Variants in GRIK2 observed in about 807,000 individuals in gnomAD.
The protein encoded by GRIK2 is glutamate ionotropic receptor kainate type subunit 2, also known as glutamate receptor ionotropic, kainate 2.
In GRIK2, 32 loss-of-function variants were observed where a neutral mutation model predicts 100.3. The ratio of observed to expected loss-of-function variants is 0.32; its 90% CI spans 0.24 to 0.43. The LOEUF (loss-of-function observed/expected upper bound fraction) is 0.43. Among genes scored for constraint, GRIK2 ranks in the 20% least tolerant of loss-of-function variants. The pLI is 1.00. For synonymous variants in GRIK2, 417 were observed against 389.4 expected (o/e 1.07, Z -0.83); for missense variants, 843 against 1,114.9 (o/e 0.76, Z 3.47).
chr6:101,496,844 G>T (rs1275771086), intron 2 of GRIK2, among the ~76,000 whole-genome samples: 1 of 152,128 alleles, frequency 6.6e-6, no homozygotes, highest in Non-Finnish European at 1.5e-5. Context: ...AAAACCTAAG[G>T]ATTTAAAGGC....
intron 3 of GRIK2, among the ~76,000 whole-genome samples, chr6:101,623,582 T>C (rs1051220232): frequency 6.6e-6 from 1 of 152,116 alleles, no homozygotes; most frequent in East Asian, 1.9e-4. Context: ...TTCTTAATGG[T>C]GATTTCAAAT....
chr6:101,562,420 C>T (rs578121592), intron 2 of GRIK2, among the ~76,000 whole-genome samples: 33 of 152,230 alleles, frequency 2.2e-4, no homozygotes, highest in South Asian at 1.7e-3. Flanking sequence ...CTCACTGCAA[C>T]CTCTGCCTCC....
At chr6:101,859,843 C>T (rs1582398927) in intron 11 of GRIK2, among the ~76,000 whole-genome samples, 1 of 152,072 alleles carries the variant, frequency 6.6e-6, no homozygotes, top group Non-Finnish European at 1.5e-5. Context: ...GAGTTATATA[C>T]ATTTTTAAAC....
chr6:101,684,810 T>G (rs968023617), intron 6 of GRIK2, among the ~76,000 whole-genome samples: 2 of 150,580 alleles, frequency 1.3e-5, no homozygotes, highest in Non-Finnish European at 2.9e-5. Context: ...CTAATGGCAA[T>G]AAATCCAGAA....
intron 2 of GRIK2, among the ~76,000 whole-genome samples, chr6:101,493,712 T>C (rs1773261874): frequency 6.6e-6 from 1 of 151,620 alleles, no homozygotes; most frequent in Non-Finnish European, 1.5e-5. Flanking sequence ...TCAGGTAGCT[T>C]CAGCAGTTTG....
Position 102,030,846 on chromosome 6 carries a change from T to C in GRIK2, c.2086-4495T>C, listed in dbSNP as rs1422737428. Among the ~76,000 whole-genome samples, 8 of 151,086 alleles carry C rather than the reference T, an allele frequency of 5.3e-5. 1 individual carries two copies. In the South Asian group the frequency reaches 1.5e-3, roughly 27 times the overall value. On this transcript the variant is annotated intron_variant, in intron 14 of 16. Coordinates refer to ENST00000369134, the MANE Select transcript of GRIK2 (RefSeq NM_021956.5). ...GCATTCAAAATCTACATTTTTAGCT[T>C]TGATATCCCCTCTGAACTCCAGACT...
At chr6:101,682,528 T>A (rs906907341) in intron 5 of GRIK2, 25 bp from the exon 6 acceptor site, 2 of 1,017,574 alleles carry the variant, frequency 2.0e-6, no homozygotes, top group Non-Finnish European at 3.1e-6. Context: ...AATATGTACC[T>A]TCAGTAATTT....
At chr6:102,006,390 ATTTT>A (rs34620995) in intron 14 of GRIK2, among the ~76,000 whole-genome samples, 2 of 114,096 alleles carry the variant, frequency 1.8e-5, no homozygotes, top group African/African-American at 4.6e-5. Context: ...ATATATATAT[ATTTT>A]TTTTTTTTTT....
At chr6:101,831,325 G>A (rs2764218) in intron 10 of GRIK2, among the ~76,000 whole-genome samples, 44,839 of 151,818 alleles carry the variant, frequency 0.3, 9,369 homozygotes, top group East Asian at 0.67. Context: ...CTCCAGTGTT[G>A]CCTTTTCTTG....
At chr6:101,622,342 AT>A (rs1357546283) in intron 3 of GRIK2, among the ~76,000 whole-genome samples, 1 of 152,084 alleles carries the variant, frequency 6.6e-6, no homozygotes, top group East Asian at 1.9e-4. Context: ...TGTTAGTGAA[AT>A]TTTTTTTCTA....
At chr6:102,044,243 C>T (rs1295577463) in intron 15 of GRIK2, among the ~76,000 whole-genome samples, 2 of 151,982 alleles carry the variant, frequency 1.3e-5, no homozygotes, top group African/African-American at 4.8e-5. Flanking sequence ...AATCTTTTCA[C>T]ATTGTGTATC....
intron 15 of GRIK2, among the ~76,000 whole-genome samples, chr6:102,052,538 T>C (rs1716292531): frequency 6.6e-6 from 1 of 152,188 alleles, no homozygotes; most frequent in South Asian, 2.1e-4. Flanking sequence ...GTTGCTTTTG[T>C]TTATTTGTGT....
At chr6:101,789,208 T>G (rs999567471) in intron 7 of GRIK2, among the ~76,000 whole-genome samples, 6 of 152,338 alleles carry the variant, frequency 3.9e-5, no homozygotes, top group Non-Finnish European at 8.8e-5. Flanking sequence ...CTGTTTAGTT[T>G]AATTAGATCC....
At chr6:101,404,931 A>G (rs1452360600) in intron 2 of GRIK2, among the ~76,000 whole-genome samples, 3 of 152,354 alleles carry the variant, frequency 2.0e-5, no homozygotes, top group South Asian at 2.1e-4. Context: ...ATAACATCAT[A>G]GGGCTTCCTG....
intron 2 of GRIK2, among the ~76,000 whole-genome samples, chr6:101,540,830 A>G (rs891686220): frequency 6.6e-6 from 1 of 151,916 alleles, no homozygotes; most frequent in South Asian, 2.1e-4. Context: ...AGGTTTCCAT[A>G]AAGAATTAGG....
intron 14 of GRIK2, among the ~76,000 whole-genome samples, chr6:101,976,761 G>T (rs1310639060): frequency 2.0e-5 from 3 of 151,420 alleles, no homozygotes; most frequent in African/African-American, 7.3e-5. Flanking sequence ...AATAGAGGAG[G>T]CATAGGGAAG....
At chr6:101,858,579 T>C (rs542533172) in intron 10 of GRIK2, among the ~76,000 whole-genome samples, 57 of 151,718 alleles carry the variant, frequency 3.8e-4, no homozygotes, top group Admixed American at 5.9e-4. Flanking sequence ...TTAGTAGAGA[T>C]GGGGTTTCAC....
intron 2 of GRIK2, among the ~76,000 whole-genome samples, chr6:101,488,553 T>C (rs1772945641): frequency 6.8e-6 from 1 of 146,582 alleles, no homozygotes; most frequent in South Asian, 2.1e-4. Context: ...TTCCAGTTAA[T>C]ATATTGATCG....
intron 10 of GRIK2, among the ~76,000 whole-genome samples, chr6:101,822,911 G>T (rs939088438): frequency 6.6e-6 from 1 of 151,942 alleles, no homozygotes; most frequent in Non-Finnish European, 1.5e-5. Flanking sequence ...TATAGAAAAG[G>T]CTAACACTTA....
Sources: gnomAD v4.1 joint callset for allele counts (sites outside exome capture counted in the v4.1 genomes callset) on GRCh38, gnomAD v4.1.1 for gene constraint, MANE v1.5 for transcripts, NCBI Gene and HGNC (gene_info 2026-07-23, HGNC 2026-07-21) for gene names.